DPP10: variants seen among roughly 807,000 people sequenced by gnomAD.
DPP10 encodes the protein inactive dipeptidyl peptidase 10.
Under a neutral mutation model 120.9 loss-of-function variants are expected in DPP10, and 33 were observed. The ratio of observed to expected loss-of-function variants is 0.27; its 90% CI spans 0.21 to 0.37. DPP10 has a LOEUF of 0.37. DPP10 is among the 10% of genes least tolerant of loss of function. DPP10 has a pLI of 1.00. For synonymous variants in DPP10, 337 were observed against 326.1 expected (o/e 1.03, Z -0.36); for missense variants, 816 against 942.8 (o/e 0.87, Z 1.76).
At chr2:114,567,866 G>A (rs1458634238) in intron 1 of DPP10, among the ~76,000 whole-genome samples, 5 of 151,992 alleles carry the variant, frequency 3.3e-5, no homozygotes, top group African/African-American at 1.2e-4. Flanking sequence ...GTGGGAGGTC[G>A]GGGACTGGAG....
chr2:115,646,867 T>C (rs1004969304), intron 5 of DPP10, among the ~76,000 whole-genome samples: 18 of 144,748 alleles, frequency 1.2e-4, no homozygotes, highest in East Asian at 1.1e-3. Context: ...TCTAACGCTG[T>C]TTATTTTTTT....
At chr2:114,881,874 G>A (rs1304354030) in intron 1 of DPP10, among the ~76,000 whole-genome samples, 1 of 152,058 alleles carries the variant, frequency 6.6e-6, no homozygotes, top group Non-Finnish European at 1.5e-5. Context: ...AGTCCATAGT[G>A]TATATGCTGA....
intron 5 of DPP10, among the ~76,000 whole-genome samples, chr2:115,593,847 T>C (rs995705583): frequency 1.3e-5 from 2 of 152,220 alleles, no homozygotes; most frequent in Non-Finnish European, 2.9e-5. Context: ...ACAGGAATCA[T>C]TGTTCATATA....
intron 3 of DPP10, among the ~76,000 whole-genome samples, chr2:115,498,048 G>T: frequency 6.6e-6 from 1 of 151,956 alleles, no homozygotes; most frequent in East Asian, 1.9e-4. Context: ...CAGTCCATAC[G>T]GCCAGCCTCA....
intron 4 of DPP10, among the ~76,000 whole-genome samples, chr2:115,509,633 T>C (rs1003564956): frequency 6.6e-6 from 1 of 152,050 alleles, no homozygotes; most frequent in African/African-American, 2.4e-5. Flanking sequence ...GCCACTGCAC[T>C]CCAGCCTGGA....
chr2:114,814,106 C>T (rs11902706), intron 1 of DPP10, among the ~76,000 whole-genome samples: 3,261 of 152,138 alleles, frequency 0.021, 113 homozygotes, highest in African/African-American at 0.069. Flanking sequence ...GACACTATGA[C>T]GGATAACAAA....
intron 1 of DPP10, among the ~76,000 whole-genome samples, chr2:114,748,319 G>A (rs762626668): frequency 3.8e-4 from 53 of 138,298 alleles, no homozygotes; most frequent in Non-Finnish European, 6.4e-4. Flanking sequence ...ATTTGTTCAC[G>A]TAGGACAAAG....
At chr2:115,643,253 A>C (rs1290557160) in intron 5 of DPP10, among the ~76,000 whole-genome samples, 1 of 152,212 alleles carries the variant, frequency 6.6e-6, no homozygotes, top group African/African-American at 2.4e-5. Context: ...CTGTAGTTCA[A>C]AGTTATGTTC....
chr2:115,377,163 C>T (rs981693904), intron 3 of DPP10, among the ~76,000 whole-genome samples: 1 of 152,070 alleles, frequency 6.6e-6, no homozygotes, highest in African/African-American at 2.4e-5. Flanking sequence ...TTTACAGTCC[C>T]ACCAACAGTG....
At chr2:115,459,115 A>C (rs2073816043) in intron 3 of DPP10, among the ~76,000 whole-genome samples, 1 of 151,654 alleles carries the variant, frequency 6.6e-6, no homozygotes, top group African/African-American at 2.4e-5. Context: ...TGGACTTAAC[A>C]GTTGTCAAAA....
At chr2:114,744,985 C>T (rs2106005288) in intron 1 of DPP10, among the ~76,000 whole-genome samples, 1 of 152,270 alleles carries the variant, frequency 6.6e-6, no homozygotes, top group Non-Finnish European at 1.5e-5. Flanking sequence ...TGGTCTCGAA[C>T]TCCTGACCTT....
chr2:115,793,825 A>G (rs2149926962), intron 19 of DPP10, among the ~76,000 whole-genome samples: 1 of 152,212 alleles, frequency 6.6e-6, no homozygotes, highest in Non-Finnish European at 1.5e-5. Context: ...AAAGCGTCAC[A>G]GAATGTGACT....
chr2:115,507,794 G>A (rs865920361), intron 4 of DPP10, among the ~76,000 whole-genome samples: 1 of 152,080 alleles, frequency 6.6e-6, no homozygotes, highest in African/African-American at 2.4e-5. Context: ...CATTTTCTAG[G>A]GATATTAAAG....
At chr2:115,542,332 A>G (rs553371902) in intron 5 of DPP10, among the ~76,000 whole-genome samples, 6 of 152,118 alleles carry the variant, frequency 3.9e-5, no homozygotes, top group Non-Finnish European at 7.4e-5. Flanking sequence ...CATGAAGTAT[A>G]TAATTTTTTG....
chr2:114,939,947 A>G (rs1696771302), intron 1 of DPP10, among the ~76,000 whole-genome samples: 1 of 152,170 alleles, frequency 6.6e-6, no homozygotes, highest in Non-Finnish European at 1.5e-5. Context: ...GCACAATTGA[A>G]GCCTGTTAGT....
chr2:114,872,641 C>T lies in DPP10; in HGVS notation c.60+429803C>T, dbSNP rs540627605. 3.9e-4 allele frequency among the ~76,000 whole-genome samples: 60 copies of T among 152,252 alleles called. No homozygotes were observed. The Middle Eastern group carries it at 0.01, about 26-fold the overall frequency. On this transcript the variant is annotated intron_variant, in intron 1 of 25. Transcript: ENST00000410059. ...GACATTTATTTTAGTTTGCACATGG[C>T]CCACCCATTATTTTACTTACCACTT...
chr2:115,529,385 A>T (rs2148911133), intron 5 of DPP10, among the ~76,000 whole-genome samples: 1 of 151,682 alleles, frequency 6.6e-6, no homozygotes, highest in African/African-American at 2.4e-5. Context: ...GTCAGGCTGG[A>T]TTTGAACTCC....
chr2:115,174,034 A>G (rs2053540527), intron 1 of DPP10, among the ~76,000 whole-genome samples: 1 of 152,220 alleles, frequency 6.6e-6, no homozygotes, highest in African/African-American at 2.4e-5. Context: ...ATTGATGAGA[A>G]TGTAAGTGGA....
intron 4 of DPP10, 45 bp from the exon 5 acceptor site, chr2:115,525,853 G>A (rs1465631520): frequency 7.0e-7 from 1 of 1,436,626 alleles, no homozygotes. Context: ...CCAAATTCAT[G>A]TTAAGAAGTT....
Sources: gnomAD v4.1 joint callset for allele counts (sites outside exome capture counted in the v4.1 genomes callset) on GRCh38, gnomAD v4.1.1 for gene constraint, MANE v1.5 for transcripts, NCBI Gene and HGNC (gene_info 2026-07-23, HGNC 2026-07-21) for gene names.